Variants in KCNH5 observed in about 807,000 individuals in gnomAD.
The protein encoded by KCNH5 is voltage-gated delayed rectifier potassium channel KCNH5.
A neutral mutation model predicts 96.1 loss-of-function variants in KCNH5; 46 were observed. The observed-to-expected ratio is 0.48, with a 90% confidence interval of 0.38 to 0.61. The LOEUF (loss-of-function observed/expected upper bound fraction) is 0.61. Ranked by LOEUF, KCNH5 falls within the 20% of genes least tolerant of loss-of-function variation. The pLI, the probability that KCNH5 is intolerant of heterozygous loss-of-function variation, is 0.00. For missense variants in KCNH5, 907 were observed against 1,225.8 expected, an observed-to-expected ratio of 0.74 and a Z score of 3.88; for synonymous variants, 439 against 449.8, an observed-to-expected ratio of 0.98 and a Z score of 0.30.
intron 6 of KCNH5, among the ~76,000 whole-genome samples, chr14:62,971,792 G>A (rs1156568502): frequency 6.6e-6 from 1 of 151,738 alleles, no homozygotes; most frequent in African/African-American, 2.4e-5. Context: ...TGAAACAACT[G>A]GATAGCCAAA....
chr14:62,766,462 G>A (rs1016711356), intron 10 of KCNH5, among the ~76,000 whole-genome samples: 4 of 152,148 alleles, frequency 2.6e-5, no homozygotes, highest in African/African-American at 9.7e-5. Flanking sequence ...TAAAGAAAAC[G>A]TGGTATGTAT....
intron 9 of KCNH5, among the ~76,000 whole-genome samples, chr14:62,790,851 T>C (rs1886419475): frequency 6.6e-6 from 1 of 151,912 alleles, no homozygotes; most frequent in South Asian, 2.1e-4. Flanking sequence ...TAAATTTATT[T>C]ATTAGTTCTA....
intron 7 of KCNH5, among the ~76,000 whole-genome samples, chr14:62,869,767 G>C (rs1888214344): frequency 6.6e-6 from 1 of 152,112 alleles, no homozygotes; most frequent in African/African-American, 2.4e-5. Context: ...CAGCAGAACA[G>C]AACAGAGGCC....
chr14:62,872,181 G>A (rs986658704), intron 7 of KCNH5, among the ~76,000 whole-genome samples: 4 of 151,914 alleles, frequency 2.6e-5, no homozygotes, highest in African/African-American at 4.8e-5. Flanking sequence ...TTTCTACTAC[G>A]TGTCAGATGC....
At chr14:62,957,282 C>A (rs938153714) in intron 6 of KCNH5, among the ~76,000 whole-genome samples, 2 of 152,186 alleles carry the variant, frequency 1.3e-5, no homozygotes, top group East Asian at 1.9e-4. Flanking sequence ...CAAATCAATT[C>A]TCTTATCTGA....
chr14:62,879,666 A>T (rs1490305230), intron 7 of KCNH5, among the ~76,000 whole-genome samples: 1 of 152,156 alleles, frequency 6.6e-6, no homozygotes, highest in Non-Finnish European at 1.5e-5. Context: ...TGATACAGTT[A>T]TCTTACTCTG....
intron 9 of KCNH5, among the ~76,000 whole-genome samples, chr14:62,785,598 T>C (rs1381381536): frequency 6.6e-6 from 1 of 152,244 alleles, no homozygotes; most frequent in Non-Finnish European, 1.5e-5. Context: ...AGTTGTTGTT[T>C]GGTCTATTTA....
chr14:62,800,936 A>G (rs1380333965), intron 9 of KCNH5, among the ~76,000 whole-genome samples: 2 of 143,576 alleles, frequency 1.4e-5, no homozygotes, highest in African/African-American at 2.7e-5. Context: ...TTTCTTCTTG[A>G]AAAAAAAAAA....
At chr14:62,785,709 G>T (rs1418697627) in intron 9 of KCNH5, among the ~76,000 whole-genome samples, 1 of 152,130 alleles carries the variant, frequency 6.6e-6, no homozygotes, top group Non-Finnish European at 1.5e-5. Context: ...GACTCATATA[G>T]TAGGAAACTG....
intron 8 of KCNH5, among the ~76,000 whole-genome samples, chr14:62,814,298 T>C (rs1000880055): frequency 5.3e-5 from 8 of 152,162 alleles, no homozygotes; most frequent in African/African-American, 1.7e-4. Flanking sequence ...GCAAATGTCT[T>C]GGGCCACTGG....
intron 7 of KCNH5, among the ~76,000 whole-genome samples, chr14:62,903,374 C>T (rs1174230879): frequency 2.0e-5 from 3 of 152,074 alleles, no homozygotes; most frequent in Non-Finnish European, 4.4e-5. Context: ...TTAGGTTTCT[C>T]CAAGAAAGGG....
At chr14:62,845,563 A>G (rs1887674437) in intron 8 of KCNH5, among the ~76,000 whole-genome samples, 1 of 152,228 alleles carries the variant, frequency 6.6e-6, no homozygotes, top group Non-Finnish European at 1.5e-5. Flanking sequence ...AGCACCGGCC[A>G]GTTAGTTGGT....
intron 7 of KCNH5, among the ~76,000 whole-genome samples, chr14:62,882,969 T>G (rs1040274302): frequency 6.6e-6 from 1 of 152,242 alleles, no homozygotes; most frequent in Non-Finnish European, 1.5e-5. Flanking sequence ...CTAATATCTC[T>G]GAAAGTTTTA....
At chr14:62,753,905 C>A (rs890654658) in intron 10 of KCNH5, among the ~76,000 whole-genome samples, 1 of 151,974 alleles carries the variant, frequency 6.6e-6, no homozygotes, top group Non-Finnish European at 1.5e-5. Context: ...TCTGAAGGTA[C>A]AAAACTTACT....
At chr14:62,859,268 T>C (rs1399924833) in intron 7 of KCNH5, among the ~76,000 whole-genome samples, 1 of 152,124 alleles carries the variant, frequency 6.6e-6, no homozygotes, top group Non-Finnish European at 1.5e-5. Context: ...TGCTGGCAAA[T>C]TGGACGCTCA....
chr14:62,984,164 T>A (rs1416321906), intron 5 of KCNH5, among the ~76,000 whole-genome samples: 1 of 152,182 alleles, frequency 6.6e-6, no homozygotes, highest in Non-Finnish European at 1.5e-5. Flanking sequence ...GGAAGGAGGA[T>A]GAAATCACAT....
intron 8 of KCNH5, among the ~76,000 whole-genome samples, chr14:62,823,141 G>GTGACCC (rs1887149106): frequency 6.6e-6 from 1 of 152,014 alleles, no homozygotes; most frequent in South Asian, 2.1e-4. Context: ...GGACTCCTCT[G>GTGACCC]TGGAGTCCAC....
At chr14:62,952,760 G>C (rs1890030875) in intron 6 of KCNH5, among the ~76,000 whole-genome samples, 1 of 152,110 alleles carries the variant, frequency 6.6e-6, no homozygotes, top group Non-Finnish European at 1.5e-5. Context: ...AGAATGTCAT[G>C]AGTTAGGACC....
intron 7 of KCNH5, among the ~76,000 whole-genome samples, chr14:62,877,414 A>C (rs1888397254): frequency 6.6e-6 from 1 of 152,126 alleles, no homozygotes; most frequent in African/African-American, 2.4e-5. Flanking sequence ...GGCAACCTAC[A>C]AAATGGGAGA....
Sources: allele counts gnomAD v4.1 joint callset (sites outside exome capture counted in the v4.1 genomes callset), GRCh38; gene constraint gnomAD v4.1.1; transcripts MANE v1.5; gene names NCBI Gene and HGNC (gene_info 2026-07-23, HGNC 2026-07-21).